The following SLIT2 variants were observed in gnomAD, a reference collection of about 807,000 sequenced individuals.
SLIT2 encodes slit homolog 2 protein.
A neutral mutation model predicts 185.7 loss-of-function variants in SLIT2; 41 were observed. The ratio of observed to expected loss-of-function variants is 0.22; its 90% confidence interval spans 0.17 to 0.29. SLIT2 has a LOEUF of 0.29. Among genes scored for constraint, SLIT2 ranks in the 10% least tolerant of loss-of-function variants. The pLI is 1.00. For missense variants in SLIT2, 1,571 were observed against 1,909.0 expected (o/e 0.82, Z 3.30); for synonymous variants, 693 against 680.2 (o/e 1.02, Z -0.29).
At chr4:20,473,460 A>G (rs997864365) in intron 5 of SLIT2, among the ~76,000 whole-genome samples, 1 of 151,984 alleles carries the variant, frequency 6.6e-6, no homozygotes, top group African/African-American at 2.4e-5. Context: ...ACATTTTAGG[A>G]AGGAAGTCAC....
intron 4 of SLIT2, among the ~76,000 whole-genome samples, chr4:20,412,718 T>C (rs149091824): frequency 7.2e-4 from 109 of 152,242 alleles, no homozygotes; most frequent in African/African-American, 2.6e-3. Flanking sequence ...TTATACAATT[T>C]AGCGATTTTA....
chr4:20,347,299 T>C (rs1721508461), intron 4 of SLIT2, among the ~76,000 whole-genome samples: 1 of 152,228 alleles, frequency 6.6e-6, no homozygotes, highest in Admixed American at 6.5e-5. Flanking sequence ...CCCAGGACTT[T>C]TCATGATACC....
chr4:20,533,542 A>T, intron 17 of SLIT2, 30 bp from the exon 18 acceptor site: 1 of 1,533,006 alleles, frequency 6.5e-7, no homozygotes, highest in Non-Finnish European at 8.9e-7. Context: ...GAAATTATTT[A>T]AAACCTTTGT....
chr4:20,453,320 G>A (rs1712685097), intron 4 of SLIT2, among the ~76,000 whole-genome samples: 1 of 152,102 alleles, frequency 6.6e-6, no homozygotes, highest in African/African-American at 2.4e-5. Flanking sequence ...CAAATACTAT[G>A]TTTAACTGTG....
At chr4:20,521,606 T>G (rs182851392) in intron 12 of SLIT2, among the ~76,000 whole-genome samples, 1 of 152,294 alleles carries the variant, frequency 6.6e-6, no homozygotes, top group Non-Finnish European at 1.5e-5. Flanking sequence ...TCAGCATTAC[T>G]TGAGTTGTGG....
chr4:20,549,606 C>T (rs1398618876), intron 24 of SLIT2, among the ~76,000 whole-genome samples: 2 of 151,840 alleles, frequency 1.3e-5, no homozygotes, highest in African/African-American at 4.8e-5. Flanking sequence ...GCATTTTTTT[C>T]TATTCTAATA....
At chr4:20,419,710 T>TGTGTGTGTGTGTGTG (rs1553898834) in intron 4 of SLIT2, among the ~76,000 whole-genome samples, 7 of 146,468 alleles carry the variant, frequency 4.8e-5, no homozygotes, top group African/African-American at 1.5e-4. Flanking sequence ...TGTGTGTGTG[T>TGTGTGTGTGTGTGTG]TGCAAAAATA....
intron 16 of SLIT2, among the ~76,000 whole-genome samples, chr4:20,531,363 C>A (rs1721792735): frequency 6.6e-6 from 1 of 152,128 alleles, no homozygotes; most frequent in South Asian, 2.1e-4. Context: ...AGAAGCCAGA[C>A]AGAAAAGGCT....
At chr4:20,617,409 T>C (rs1377406629) in intron 35 of SLIT2, 30 bp from the exon 36 acceptor site, 1 of 1,590,928 alleles carries the variant, frequency 6.3e-7, no homozygotes, top group African/African-American at 1.3e-5. Context: ...TCTGAATGCA[T>C]TCCCACTCCT....
At chr4:20,455,399 C>A (rs561533830) in intron 4 of SLIT2, among the ~76,000 whole-genome samples, 1 of 152,058 alleles carries the variant, frequency 6.6e-6, no homozygotes, top group Non-Finnish European at 1.5e-5. Context: ...GATAGCCATG[C>A]TCTAATAAAT....
intron 4 of SLIT2, among the ~76,000 whole-genome samples, chr4:20,409,541 T>A (rs1727038587): frequency 6.6e-6 from 1 of 152,204 alleles, no homozygotes; most frequent in African/African-American, 2.4e-5. Flanking sequence ...TACATGTGCA[T>A]GTATCTTTAT....
At chr4:20,481,813 A>G (rs1345956045) in intron 6 of SLIT2, among the ~76,000 whole-genome samples, 1 of 152,048 alleles carries the variant, frequency 6.6e-6, no homozygotes, top group Non-Finnish European at 1.5e-5. Context: ...TTTAATTGCA[A>G]GAAAATAGAA....
chr4:20,472,227 T>G (rs1715121041), intron 5 of SLIT2, among the ~76,000 whole-genome samples: 1 of 117,776 alleles, frequency 8.5e-6, no homozygotes, highest in Non-Finnish European at 1.7e-5. Context: ...TGTGTGTATA[T>G]ATATATAGAT....
chr4:20,446,135 G>A (rs1031080285), intron 4 of SLIT2, among the ~76,000 whole-genome samples: 1 of 152,124 alleles, frequency 6.6e-6, no homozygotes, highest in Non-Finnish European at 1.5e-5. Flanking sequence ...ACCTTTCTTC[G>A]AAGACAGTTG....
intron 4 of SLIT2, among the ~76,000 whole-genome samples, chr4:20,445,060 G>C (rs2148706199): frequency 1.3e-5 from 2 of 152,226 alleles, no homozygotes; most frequent in South Asian, 4.2e-4. Flanking sequence ...ATTCAGCTGA[G>C]CCCTAGCTGC....
chr4:20,550,700 T>G, intron 24 of SLIT2, 127 bp from the exon 25 acceptor site: 1 of 496,696 alleles, frequency 2.0e-6, no homozygotes. Flanking sequence ...CCAAAACTGT[T>G]TATTTTATAG....
In SLIT2 at chr4:20,555,137, A is replaced by G. The variant is rs1029213920; in HGVS notation, c.2725+1169A>G. ...GAGGAGAGAAATTCTTGAAAATGTT[A>G]AATGTCTAATCAGAAAATATTGATT... On this transcript the variant is annotated intron_variant, in intron 26 of 36. Coordinates refer to ENST00000504154, the MANE Select transcript of SLIT2 (RefSeq NM_004787.4). Among the ~76,000 whole-genome samples the G allele has an allele frequency of 3.3e-5, 5 of 152,228 alleles. No homozygotes were observed. The South Asian group carries it at 8.3e-4, about 25-fold the overall frequency.
chr4:20,277,780 C>A (rs1714316387), intron 4 of SLIT2, among the ~76,000 whole-genome samples: 2 of 148,706 alleles, frequency 1.3e-5, no homozygotes, highest in Non-Finnish European at 3.0e-5. Flanking sequence ...TATATATACA[C>A]ACACAAACAC....
intron 5 of SLIT2, among the ~76,000 whole-genome samples, chr4:20,472,393 T>G (rs1158173807): frequency 1.2e-5 from 1 of 81,292 alleles, no homozygotes; most frequent in Admixed American, 1.6e-4. Context: ...TATGTAGATA[T>G]ATAGATATAG....
Sources: allele counts gnomAD v4.1 joint callset (sites outside exome capture counted in the v4.1 genomes callset), GRCh38; gene constraint gnomAD v4.1.1; transcripts MANE v1.5; gene names NCBI Gene and HGNC (gene_info 2026-07-23, HGNC 2026-07-21).